The following PRPF8 variants were observed in gnomAD, a reference collection of about 807,000 sequenced individuals.
PRPF8 encodes the protein pre-mRNA-processing-splicing factor 8.
PRPF8 carries 64 observed loss-of-function variants against 285.9 expected under a neutral mutation model. The observed-to-expected ratio is 0.22, with a 90% CI of 0.18 to 0.28. PRPF8 has a LOEUF of 0.28. PRPF8 is among the 10% of genes least tolerant of loss of function. The pLI, the probability that PRPF8 is intolerant of heterozygous loss-of-function variation, is 1.00. For missense variants in PRPF8, 1,426 were observed against 3,026.7 expected (o/e 0.47, Z 12.41); for synonymous variants, 1,325 against 1,118.2 (o/e 1.18, Z -3.69).
In PRPF8 at chr17:1,679,379, C is replaced by T; in HGVS notation, c.1321G>A (p.Val441Met). ...TTCTGGTAGGAGACCCTCACTTTCA[C>T]AGGCTGCCCGGCAGGACAATGCTCC... The part of the protein sequence containing the change: ...YREHCPAGQP[V>M]KVRVSYQKLL... The change falls in exon 10 of 43, where the codon GTG becomes ATG. Residue 441 changes from valine to methionine, a missense_variant. Coordinates refer to ENST00000304992, the MANE Select transcript of PRPF8 (RefSeq NM_006445.4). This position sits in a 1 kb window ranked among gnomAD's most constrained non-coding sequence, Gnocchi z 4.7. 1 of 1,613,594 alleles carries T rather than the reference C, an allele frequency of 6.2e-7. No individual in the cohort carries two copies. Among genetic ancestry groups the T allele is most frequent in the Non-Finnish European group, 8.5e-7 (1 of 1,180,028 alleles).
In PRPF8 at chr17:1,675,013, T is replaced by C; in HGVS notation, c.3060+139A>G. 1 of 988,460 alleles carries C rather than the reference T, an allele frequency of 1.0e-6. No individual in the cohort carries two copies. Among genetic ancestry groups the C allele is most frequent in the Non-Finnish European group, 1.6e-6 (1 of 641,318 alleles). The allele number at this position is 988,460 out of a possible 1,614,324, so 61.2% of individuals were successfully genotyped here. ...TGGTCTCGAACTCCTGACCTCGTGATCTGCCCGCCTCAGCCTCCCAAAGTG... is the reference window on the plus strand; with the variant it reads ...TGGTCTCGAACTCCTGACCTCGTGACCTGCCCGCCTCAGCCTCCCAAAGTG... On this transcript the variant is annotated intron_variant, in intron 20 of 42. Transcript: ENST00000304992. The surrounding 1 kb of genome is among the most constrained non-coding windows in gnomAD (Gnocchi z 6.0).
rs1912871372 is a variant in PRPF8 at position 1,680,731 on chromosome 17, C to A, written c.1093G>T (p.Val365Phe). 1 of 1,611,888 alleles carries A rather than the reference C, an allele frequency of 6.2e-7. No individual in the cohort carries two copies. Among genetic ancestry groups the A allele is most frequent in the South Asian group, 1.1e-5 (1 of 91,054 alleles). The change falls in exon 8 of 43, where the codon GTC (valine) becomes TTC (phenylalanine). Residue 365 changes from valine to phenylalanine, a missense_variant. Transcript: ENST00000304992. ...LINPISHRHS[V>F]KSQEPLPDDD... ...GCATCCCTTCCCTTCCTCACCTTGA[C>A]TGAGTGCCTATGGGAGATTGGGTTG...
At chr17:1,674,814 A>G (rs1912524463) in intron 20 of PRPF8, 134 bp from the exon 21 acceptor site, 2 of 956,506 alleles carry the variant, frequency 2.1e-6, no homozygotes, top group Non-Finnish European at 3.3e-6. Flanking sequence ...TCAGTCACCC[A>G]GGCTGAGAGT....
intron 14 of PRPF8, 24 bp downstream of exon 14, chr17:1,677,541 T>G (rs760699485): frequency 3.7e-6 from 6 of 1,613,804 alleles, no homozygotes; most frequent in South Asian, 2.2e-5. Context: ...ACAGGAGAAG[T>G]TGGACACAGA....
At position 1,684,520 on chromosome 17, in the gene PRPF8, G is replaced by A. The variant is rs148531352; in HGVS notation, c.52C>T (p.Leu18=). ...RGPGNPVPGP[L]APLPDYMSEE... ...GACATGTAGTCCGGTAGCGGGGCTAGAGGGCCAGGCACCGGGTTACCCGGC... is the reference window on the plus strand; with the variant it reads ...GACATGTAGTCCGGTAGCGGGGCTAAAGGGCCAGGCACCGGGTTACCCGGC... The change falls in exon 2 of 43, where the codon CTA becomes TTA. Residue 18 remains leucine (L), a synonymous_variant. Transcript: ENST00000304992. The A allele has an allele frequency of 1.9e-4, 311 of 1,612,636 alleles. 3 individuals carry two copies. In the African/African-American group the frequency reaches 3.5e-3, roughly 18 times the overall value.
intron 34 of PRPF8, among the ~76,000 whole-genome samples, chr17:1,657,374 G>A (rs557375421): frequency 6.1e-4 from 93 of 152,220 alleles, no homozygotes; most frequent in African/African-American, 2.1e-3. Context: ...GGCCGGGCAC[G>A]GTGGCTCAAG....
rs747985165 is a variant in PRPF8 at position 1,675,772 on chromosome 17, G to A, written c.2720C>T (p.Pro907Leu). The A allele has an allele frequency of 6.2e-7, 1 of 1,614,148 alleles. No homozygotes were observed. Among genetic ancestry groups the A allele is most frequent in the Non-Finnish European group, 8.5e-7 (1 of 1,180,038 alleles). Residue 907 changes from proline to leucine, a missense_variant, in exon 19 of 43, where the codon CCA becomes CTA. Transcript: ENST00000304992. This position sits in a 1 kb window ranked among gnomAD's most constrained non-coding sequence, Gnocchi z 6.0. ...CTCCAGGGGCTCAACATCATATACT[G>A]GAACGAGGTGGCTATACAGATCCAT... is the stretch of plus-strand genomic sequence containing the variant. ...EFMDLYSHLV[P>L]VYDVEPLEKI...
chr17:1,654,126 A>G (rs576911518), intron 37 of PRPF8, 110 bp from the exon 38 acceptor site: 2 of 1,517,840 alleles, frequency 1.3e-6, no homozygotes, highest in East Asian at 4.5e-5. Flanking sequence ...CTCACGCCCC[A>G]GACAATCCAC....
rs1911558150 is a variant in PRPF8 at position 1,659,217 on chromosome 17, G to T, written c.5138+140C>A. The T allele has an allele frequency of 2.1e-6, 2 of 949,986 alleles. No homozygotes were observed. The highest frequency in any genetic ancestry group is 3.2e-5 in the African/African-American group (2 of 61,912). The allele number at this position is 949,986 out of a possible 1,614,324, so 58.8% of individuals were successfully genotyped here. A position where few individuals can be genotyped will look rare whatever the true frequency, so the allele number is the denominator to read the frequency against. ...ATTTTTTGTATTTTGGTAGAGACAG[G>T]GTTTCACCATGTTGCCCAGACTGGT... On this transcript the variant is annotated intron_variant, in intron 32 of 42. Transcript: ENST00000304992. The surrounding 1 kb of genome is among the most constrained non-coding windows in gnomAD (Gnocchi z 5.1).
intron 3 of PRPF8, among the ~76,000 whole-genome samples, chr17:1,682,519 C>T (rs1912986664): frequency 6.6e-6 from 1 of 152,122 alleles, no homozygotes; most frequent in South Asian, 2.1e-4. Context: ...GGTATCAGCT[C>T]CTCTAAATCA....
rs754091637 is a variant in PRPF8, at chr17:1,683,609, G to A, written c.193C>T (p.His65Tyr). 1 of 1,614,158 alleles carries A rather than the reference G, an allele frequency of 6.2e-7. No homozygotes were observed. Among genetic ancestry groups the A allele is most frequent in the Admixed American group, 1.7e-5 (1 of 60,010 alleles). The change falls in exon 3 of 43, where the codon CAT (histidine) becomes TAT (tyrosine). Residue 65 changes from histidine (H) to tyrosine (Y), a missense_variant. By Grantham distance (83) the His-to-Tyr change is moderately conservative. This residue lies in a region of PRPF8 where 96 missense variants were observed against 188.3 expected (regional missense o/e 0.51). Coordinates refer to ENST00000304992, the MANE Select transcript of PRPF8 (RefSeq NM_006445.4). ...DAQKEDMPPE[H>Y]VRKIIRDHGD... ...TGGTCTCGAATGATCTTCCTGACAT[G>A]TTCTGGGGGCATGTCTTCCTTCTGG...
rs1301919528 is a variant in PRPF8 at position 1,683,478 on chromosome 17, G to A, written c.269+55C>T. The A allele has an allele frequency of 4.4e-6, 7 of 1,582,732 alleles. No homozygotes were observed. In the Admixed American group the frequency reaches 1.2e-4, roughly 26 times the overall value. On this transcript the variant is annotated intron_variant, in intron 3 of 42. Coordinates refer to ENST00000304992, the MANE Select transcript of PRPF8 (RefSeq NM_006445.4). ...AGCATCAATCCAAGACTGTGGGACA[G>A]GGAGAAGGGAAAAGGGCCAAATTCC...
At position 1,681,544 on chromosome 17, in the gene PRPF8, T is replaced by C; in HGVS notation, c.800A>G (p.Lys267Arg). The C allele has an allele frequency of 6.2e-7, 1 of 1,613,716 alleles. No homozygotes were observed. Among genetic ancestry groups the C allele is most frequent in the Non-Finnish European group, 8.5e-7 (1 of 1,179,642 alleles). The change falls in exon 6 of 43, where the codon AAG (lysine) becomes AGG (arginine). Residue 267 changes from lysine to arginine, a missense_variant. This residue lies in a region of PRPF8 where 157 missense variants were observed against 159.6 expected (regional missense o/e 0.98). Coordinates refer to ENST00000304992, the MANE Select transcript of PRPF8 (RefSeq NM_006445.4). ...LFDLKAFFTS[K>R]ALNMAIPGGP... ...TCCAGGAATGGCCATATTGAGTGCCTTGGACGTAAAGAAGGCCTTCAAATC... is the reference window on the plus strand; with the variant it reads ...TCCAGGAATGGCCATATTGAGTGCCCTGGACGTAAAGAAGGCCTTCAAATC...
chr17:1,651,926 A>T lies in PRPF8; in HGVS notation c.6370-138T>A. 1.8e-6 allele frequency: 2 copies of T among 1,128,232 alleles called. No homozygotes were observed. Among genetic ancestry groups the T allele is most frequent in the Non-Finnish European group, 2.6e-6 (2 of 759,286 alleles). 69.9% of individuals were successfully genotyped at this position (1,128,232 alleles called of 1,614,324 possible). On this transcript the variant is annotated intron_variant, in intron 39 of 42. Transcript: ENST00000304992. This position sits in a 1 kb window ranked among gnomAD's most constrained non-coding sequence, Gnocchi z 5.1. Reference sequence around the variant, plus strand: ...ACGTGATCAGAACCCCCTGTATCAGAATCAGCTGGGGTGCTTGTTCAAAAT... The same window carrying T: ...ACGTGATCAGAACCCCCTGTATCAGTATCAGCTGGGGTGCTTGTTCAAAAT...
rs575056329 is a variant in PRPF8 at position 1,684,811 on chromosome 17, C to T, written c.-43G>A. 4.2e-5 allele frequency: 25 copies of T among 598,244 alleles called. No individual in the cohort carries two copies. Among genetic ancestry groups the T allele is most frequent in the Non-Finnish European group, 6.0e-5 (20 of 334,662 alleles). 37.1% of individuals were successfully genotyped at this position (598,244 alleles called of 1,614,324 possible). ...GGCCCTCACACAAGAGGCCGCTTTC[C>T]CCGCAGCGCAATGGCGGCCAGACTG... On this transcript the variant is annotated 5_prime_UTR_variant, in exon 1 of 43. Coordinates refer to ENST00000304992, the MANE Select transcript of PRPF8 (RefSeq NM_006445.4).
In PRPF8 at chr17:1,660,604, T is replaced by C. The variant is rs1012021322; in HGVS notation, c.4639-26A>G. ...CTGCCAGGAAAACGACAATGTGACA[T>C]TAGAGATCAAGAGACTCGGGCGCTC... On this transcript the variant is annotated intron_variant, in intron 29 of 42. Coordinates refer to ENST00000304992, the MANE Select transcript of PRPF8 (RefSeq NM_006445.4). The C allele has an allele frequency of 2.5e-6, 4 of 1,614,174 alleles. No individual in the cohort carries two copies. In the Admixed American group the frequency reaches 5.0e-5, roughly 20 times the overall value.
chr17:1,664,084 G>A (rs1323768023), intron 24 of PRPF8, among the ~76,000 whole-genome samples: 3 of 152,122 alleles, frequency 2.0e-5, no homozygotes, highest in African/African-American at 7.2e-5. Flanking sequence ...AGGCTAGAGT[G>A]CAATGGCACC....
chr17:1,683,615 G>A lies in PRPF8; in HGVS notation c.187C>T (p.Pro63Ser), dbSNP rs374410261. The A allele has an allele frequency of 4.3e-6, 7 of 1,613,964 alleles. No homozygotes were observed. Among genetic ancestry groups the A allele is most frequent in the African/African-American group, 2.7e-5 (2 of 74,864 alleles). The part of the protein sequence containing the change: ...FVDAQKEDMP[P>S]EHVRKIIRDH... Reference sequence around the variant, plus strand: ...CGAATGATCTTCCTGACATGTTCTGGGGGCATGTCTTCCTTCTGGGCATCC... The same window carrying A: ...CGAATGATCTTCCTGACATGTTCTGAGGGCATGTCTTCCTTCTGGGCATCC... Residue 63 changes from proline (P) to serine (S), a missense_variant, in exon 3 of 43, where the codon CCA (proline) becomes TCA (serine). Pro to Ser is a moderately conservative substitution (Grantham distance 74, BLOSUM62 -1). Coordinates refer to ENST00000304992, the MANE Select transcript of PRPF8 (RefSeq NM_006445.4).
At chr17:1,656,837 T>C in intron 34 of PRPF8, 76 bp from the exon 35 acceptor site, 1 of 1,269,642 alleles carries the variant, frequency 7.9e-7, no homozygotes, top group Non-Finnish European at 1.1e-6. Context: ...TATCCTAGTT[T>C]TGAAATAATC....
Sources: gnomAD v4.1 joint callset for allele counts (sites outside exome capture counted in the v4.1 genomes callset) on GRCh38, gnomAD v4.1.1 for gene constraint, gnomAD v4.1.1 regional missense constraint, Gnocchi (gnomAD v3.1) non-coding constraint, MANE v1.5 for transcripts, NCBI Gene and HGNC (gene_info 2026-07-23, HGNC 2026-07-21) for gene names.